RFX3: variants seen among roughly 807,000 people sequenced by gnomAD.
The protein encoded by RFX3 is transcription factor RFX3.
RFX3 carries 14 observed loss-of-function variants against 98.6 expected under a neutral mutation model. The observed-to-expected ratio is 0.14, with a 90% CI of 0.09 to 0.22. The LOEUF (loss-of-function observed/expected upper bound fraction) is 0.22. Ranked by LOEUF, RFX3 falls within the 10% of genes least tolerant of loss-of-function variation. RFX3 has a pLI of 1.00. For synonymous variants in RFX3, 383 were observed against 328.4 expected (o/e 1.17, Z -1.80); for missense variants, 639 against 926.9 (o/e 0.69, Z 4.03).
At chr9:3,269,520 G>A (rs114568220) in intron 11 of RFX3, among the ~76,000 whole-genome samples, 3,237 of 152,132 alleles carry the variant, frequency 0.021, 121 homozygotes, top group African/African-American at 0.073. Flanking sequence ...AAAAAGTTAA[G>A]GTCACTACTG....
At chr9:3,482,853 T>C (rs1463586110) in intron 1 of RFX3, among the ~76,000 whole-genome samples, 1 of 152,054 alleles carries the variant, frequency 6.6e-6, no homozygotes, top group Non-Finnish European at 1.5e-5. Context: ...CTTGATTCTG[T>C]AACTGAAAAA....
At chr9:3,524,722 C>G (rs1047100269) in intron 1 of RFX3, 2 of 554,772 alleles carry the variant, frequency 3.6e-6, no homozygotes, top group South Asian at 7.9e-5. Context: ...CAAAGTGAAA[C>G]GGAACCTCAC....
intron 4 of RFX3, among the ~76,000 whole-genome samples, chr9:3,305,495 T>C (rs1032427796): frequency 6.6e-6 from 1 of 151,894 alleles, no homozygotes; most frequent in Non-Finnish European, 1.5e-5. Flanking sequence ...CTATCATTCA[T>C]AGGAATATAT....
Position 3,288,147 on chromosome 9 carries a change from T to C in RFX3, c.835A>G (p.Met279Val). The change falls in exon 7 of 17, where the codon ATG becomes GTG. Residue 279 changes from methionine (M) to valine (V), a missense_variant. By Grantham distance (21) the Met-to-Val change is conservative. Coordinates refer to ENST00000617270, the MANE Select transcript of RFX3 (RefSeq NM_001282116.2). ...MQYMAMRQQP[M>V]QQKQRYKPMQ... The stretch of plus-strand genomic sequence containing the variant: ...AGAGTCTACCTTTGTTTCTGTTGCA[T>C]GGGTTGTTGTCTCATAGCCATATAC... The C allele has an allele frequency of 1.2e-6, 2 of 1,612,842 alleles. No individual in the cohort carries two copies. Among genetic ancestry groups the C allele is most frequent in the Non-Finnish European group, 1.7e-6 (2 of 1,179,010 alleles).
At chr9:3,428,676 C>T (rs1245274612) in intron 1 of RFX3, among the ~76,000 whole-genome samples, 1 of 152,092 alleles carries the variant, frequency 6.6e-6, no homozygotes, top group African/African-American at 2.4e-5. Context: ...GCCACACAAC[C>T]AACAGAATAT....
At chr9:3,273,925 C>T (rs565853429) in intron 9 of RFX3, among the ~76,000 whole-genome samples, 3 of 150,278 alleles carry the variant, frequency 2.0e-5, no homozygotes, top group African/African-American at 4.9e-5. Context: ...CACTTGAACA[C>T]ATGGGAATGA....
At chr9:3,239,252 G>A (rs2130830041) in intron 15 of RFX3, among the ~76,000 whole-genome samples, 1 of 152,324 alleles carries the variant, frequency 6.6e-6, no homozygotes, top group South Asian at 2.1e-4. Context: ...TATAATATTT[G>A]CAAGGATTAA....
chr9:3,346,595 T>C (rs1834464203), intron 3 of RFX3, 72 bp downstream of exon 3: 2 of 896,422 alleles, frequency 2.2e-6, no homozygotes, highest in East Asian at 2.4e-5. Context: ...CTGGGAATAG[T>C]GGGAGGTGTT....
chr9:3,233,626 T>A (rs1818766526), intron 15 of RFX3, among the ~76,000 whole-genome samples: 1 of 152,174 alleles, frequency 6.6e-6, no homozygotes, highest in Admixed American at 6.5e-5. Context: ...TAGGGACACC[T>A]TCCCTGCTGG....
chr9:3,515,497 C>T (rs2133873551), intron 1 of RFX3, among the ~76,000 whole-genome samples: 1 of 152,196 alleles, frequency 6.6e-6, no homozygotes, highest in Middle Eastern at 3.4e-3. Flanking sequence ...ACCTCAAGCC[C>T]CCACACCCGC....
At chr9:3,230,485 A>C (rs1818316782) in intron 15 of RFX3, among the ~76,000 whole-genome samples, 3 of 152,224 alleles carry the variant, frequency 2.0e-5, no homozygotes, top group African/African-American at 7.2e-5. Flanking sequence ...CACATAGGTC[A>C]GGTCTTTTAT....
chr9:3,512,165 A>G (rs1325131332), intron 1 of RFX3, among the ~76,000 whole-genome samples: 1 of 152,090 alleles, frequency 6.6e-6, no homozygotes, highest in East Asian at 1.9e-4. Context: ...TTTGTTTTAA[A>G]CATAAGCATT....
At chr9:3,504,130 T>C (rs559283434) in intron 1 of RFX3, among the ~76,000 whole-genome samples, 87 of 125,514 alleles carry the variant, frequency 6.9e-4, no homozygotes, top group Non-Finnish European at 9.5e-4. Flanking sequence ...CCTCTCTCTT[T>C]ATATATATTA....
chr9:3,326,921 C>T (rs2130830741), intron 4 of RFX3, among the ~76,000 whole-genome samples: 1 of 152,220 alleles, frequency 6.6e-6, no homozygotes, highest in African/African-American at 2.4e-5. Context: ...ACCCAACGGA[C>T]TATTTCTCAG....
chr9:3,247,745 T>C (rs756717406), intron 15 of RFX3: 2 of 1,547,488 alleles, frequency 1.3e-6, no homozygotes, highest in Admixed American at 2.1e-5. Context: ...ATATTTTTCA[T>C]ATTCCAGTGG....
At chr9:3,229,515 T>C (rs1227494346) in intron 15 of RFX3, among the ~76,000 whole-genome samples, 1 of 152,202 alleles carries the variant, frequency 6.6e-6, no homozygotes, top group Non-Finnish European at 1.5e-5. Flanking sequence ...ATAGAACAAT[T>C]AATAGCCTTC....
chr9:3,490,259 A>T (rs902207800), intron 1 of RFX3: 2 of 865,024 alleles, frequency 2.3e-6, no homozygotes, highest in African/African-American at 3.7e-5. Flanking sequence ...TTATTTATAA[A>T]GAACATGTGT....
chr9:3,319,369 T>C (rs1456414797), intron 4 of RFX3, among the ~76,000 whole-genome samples: 3 of 152,086 alleles, frequency 2.0e-5, no homozygotes, highest in Admixed American at 6.5e-5. Context: ...TTTTTTTTCA[T>C]TGCCAGAGTC....
chr9:3,501,914 C>A (rs891354882), intron 1 of RFX3, among the ~76,000 whole-genome samples: 15 of 151,858 alleles, frequency 9.9e-5, no homozygotes, highest in African/African-American at 3.1e-4. Context: ...TTAGAACTGA[C>A]TATAAGAGTA....
Sources: allele counts gnomAD v4.1 joint callset (sites outside exome capture counted in the v4.1 genomes callset), GRCh38; gene constraint gnomAD v4.1.1; transcripts MANE v1.5; gene names NCBI Gene and HGNC (gene_info 2026-07-23, HGNC 2026-07-21).